SYNPO2: variants seen among roughly 807,000 people sequenced by gnomAD.
The protein encoded by SYNPO2 is synaptopodin-2.
SYNPO2 carries 56 observed loss-of-function variants against 85.0 expected under a neutral mutation model. That is an observed-to-expected ratio of 0.66 (90% CI 0.53 to 0.82). The LOEUF (loss-of-function observed/expected upper bound fraction) is 0.82, where lower values mean the gene tolerates loss of function less well. Ranked by LOEUF, SYNPO2 falls within the 40% of genes least tolerant of loss-of-function variation. The pLI is 0.00. For missense variants in SYNPO2, 1,575 were observed against 1,534.2 expected, an observed-to-expected ratio of 1.03 and a Z score of -0.44; for synonymous variants, 602 against 591.1, an observed-to-expected ratio of 1.02 and a Z score of -0.27.
At chr4:118,853,278 T>C (rs1242152887) in intron 1 of SYNPO2, among the ~76,000 whole-genome samples, 2 of 152,194 alleles carry the variant, frequency 1.3e-5, no homozygotes, top group Admixed American at 6.5e-5. Flanking sequence ...TTTATTTCCA[T>C]TGTGAATTTA....
At chr4:119,005,212 G>A (rs534750873) in intron 1 of SYNPO2, among the ~76,000 whole-genome samples, 9 of 152,166 alleles carry the variant, frequency 5.9e-5, no homozygotes, top group Admixed American at 5.2e-4. Flanking sequence ...CTTTTGCTGT[G>A]CAGAAGCTCT....
intron 1 of SYNPO2, among the ~76,000 whole-genome samples, chr4:118,920,416 T>C (rs1733494193): frequency 6.6e-6 from 1 of 151,964 alleles, no homozygotes; most frequent in Non-Finnish European, 1.5e-5. Flanking sequence ...GTGAGTGAGA[T>C]CACCCATGTC....
intron 1 of SYNPO2, among the ~76,000 whole-genome samples, chr4:118,958,015 C>G (rs1026951013): frequency 6.6e-6 from 1 of 152,156 alleles, no homozygotes; most frequent in East Asian, 1.9e-4. Context: ...AGCTAATTCT[C>G]TAGACACATA....
At chr4:119,057,270 G>C in intron 4 of SYNPO2, 131 bp from the exon 5 acceptor site, 1 of 1,063,166 alleles carries the variant, frequency 9.4e-7, no homozygotes, top group Non-Finnish European at 1.3e-6. Flanking sequence ...TAAGCATTCT[G>C]GGGGGTTAAT....
intron 1 of SYNPO2, among the ~76,000 whole-genome samples, chr4:118,910,804 T>A (rs1733110126): frequency 6.6e-6 from 1 of 152,168 alleles, no homozygotes; most frequent in Non-Finnish European, 1.5e-5. Flanking sequence ...TCTTGTTTCT[T>A]ATTTATGTAC....
At position 119,059,847 on chromosome 4, in the gene SYNPO2, A is replaced by G. The variant is rs1438888191; in HGVS notation, c.*1913A>G. On this transcript the variant is annotated 3_prime_UTR_variant, in exon 5 of 5. Transcript: ENST00000307142. ...AGAAAAGAAACGATAAATACTTTCC[A>G]AGGTTATATTGTTAAATTATCTTAA... is the stretch of plus-strand genomic sequence containing the variant. 1 of 152,160 alleles carries G rather than the reference A, an allele frequency of 6.6e-6. No homozygotes were observed. The highest frequency in any genetic ancestry group is 2.4e-5 in the African/African-American group (1 of 41,462). 9.4% of individuals were successfully genotyped at this position (152,160 alleles called of 1,614,324 possible).
chr4:119,039,688 G>A (rs1206106765), intron 4 of SYNPO2, among the ~76,000 whole-genome samples: 1 of 152,104 alleles, frequency 6.6e-6, no homozygotes, highest in African/African-American at 2.4e-5. Context: ...CCAGAGTTAT[G>A]GTAATTTATA....
At chr4:118,963,461 A>T (rs963902507) in intron 1 of SYNPO2, among the ~76,000 whole-genome samples, 2 of 152,202 alleles carry the variant, frequency 1.3e-5, no homozygotes, top group African/African-American at 4.8e-5. Context: ...TAGACTTTTT[A>T]TGTATTTAGA....
At chr4:118,972,021 G>A (rs570881872) in intron 1 of SYNPO2, among the ~76,000 whole-genome samples, 1 of 152,206 alleles carries the variant, frequency 6.6e-6, no homozygotes, top group Non-Finnish European at 1.5e-5. Context: ...AGCTTCGTAG[G>A]CTTACATGTA....
At chr4:118,957,355 G>A (rs1443253903) in intron 1 of SYNPO2, among the ~76,000 whole-genome samples, 3 of 152,162 alleles carry the variant, frequency 2.0e-5, no homozygotes, top group African/African-American at 7.2e-5. Flanking sequence ...TGGGGGCCAT[G>A]TTGCACATCT....
intron 1 of SYNPO2, among the ~76,000 whole-genome samples, chr4:118,858,266 C>T (rs1031044961): frequency 1.3e-5 from 2 of 152,144 alleles, no homozygotes; most frequent in African/African-American, 2.4e-5. Flanking sequence ...AAAACAAGTA[C>T]ATTAGACACT....
chr4:118,884,243 A>G (rs1041127665), upstream of SYNPO2, among the ~76,000 whole-genome samples: 1 of 152,232 alleles, frequency 6.6e-6, no homozygotes, highest in Non-Finnish European at 1.5e-5. Flanking sequence ...ATTCTGGCAT[A>G]CCCAGAAAGA....
chr4:118,998,094 G>T (rs1026934412), intron 1 of SYNPO2, among the ~76,000 whole-genome samples: 3 of 152,182 alleles, frequency 2.0e-5, no homozygotes, highest in African/African-American at 7.2e-5. Context: ...TTGGTTAACT[G>T]CACTGCTTGA....
At chr4:118,856,864 C>T (rs753953852) in intron 1 of SYNPO2, among the ~76,000 whole-genome samples, 23 of 152,160 alleles carry the variant, frequency 1.5e-4, no homozygotes, top group Non-Finnish European at 2.5e-4. Context: ...AAGAAAAATG[C>T]AAAGAACCTT....
chr4:118,868,596 T>A (rs1211499412), intron 1 of SYNPO2, among the ~76,000 whole-genome samples: 1 of 152,168 alleles, frequency 6.6e-6, no homozygotes, highest in Non-Finnish European at 1.5e-5. Flanking sequence ...TTATTCCCAA[T>A]AATCTTAATT....
At chr4:118,931,066 T>C (rs913169818) in intron 1 of SYNPO2, among the ~76,000 whole-genome samples, 36 of 152,186 alleles carry the variant, frequency 2.4e-4, no homozygotes, top group Non-Finnish European at 4.6e-4. Flanking sequence ...CATTATATTG[T>C]TATATTTATT....
intron 1 of SYNPO2, among the ~76,000 whole-genome samples, chr4:118,942,053 T>C (rs1291381327): frequency 1.3e-5 from 2 of 152,106 alleles, no homozygotes; most frequent in African/African-American, 4.8e-5. Context: ...GTTAGGGAGA[T>C]GGACTCACTA....
intron 1 of SYNPO2, among the ~76,000 whole-genome samples, chr4:118,879,700 G>T (rs1732037650): frequency 6.6e-6 from 1 of 152,142 alleles, no homozygotes; most frequent in African/African-American, 2.4e-5. Context: ...GGCTGCAAAG[G>T]TCTTGGGGTT....
At chr4:119,028,775 T>A (rs915986952) in intron 3 of SYNPO2, among the ~76,000 whole-genome samples, 7 of 96,678 alleles carry the variant, frequency 7.2e-5, no homozygotes, top group African/African-American at 2.1e-4. Flanking sequence ...AGTCAAAAAT[T>A]TTTTCTTAAT....
Sources: allele counts gnomAD v4.1 joint callset (sites outside exome capture counted in the v4.1 genomes callset), GRCh38; gene constraint gnomAD v4.1.1; transcripts MANE v1.5; gene names NCBI Gene and HGNC (gene_info 2026-07-23, HGNC 2026-07-21).